The following PRRC2B variants were observed in gnomAD, a reference collection of about 807,000 sequenced individuals.
The protein encoded by PRRC2B is proline rich coiled-coil 2B, also known as protein PRRC2B.
In PRRC2B, 68 loss-of-function variants were observed where a neutral mutation model predicts 242.3. That is an observed-to-expected ratio of 0.28 (90% CI 0.23 to 0.34). PRRC2B has a LOEUF of 0.34. Ranked by LOEUF, PRRC2B falls within the 10% of genes least tolerant of loss-of-function variation. The pLI is 1.00. For missense variants in PRRC2B, 2,835 were observed against 2,954.8 expected (o/e 0.96, Z 0.94); for synonymous variants, 1,228 against 1,173.6 (o/e 1.05, Z -0.95).
intron 1 of PRRC2B, among the ~76,000 whole-genome samples, chr9:131,375,427 G>A (rs1372995003): frequency 1.3e-5 from 2 of 151,890 alleles, no homozygotes; most frequent in African/African-American, 4.8e-5. Flanking sequence ...AAAAAAATAA[G>A]GGCATTAACA....
chr9:131,402,686 CA>C (rs1837257036), intron 1 of PRRC2B, among the ~76,000 whole-genome samples: 1 of 152,112 alleles, frequency 6.6e-6, no homozygotes, highest in Non-Finnish European at 1.5e-5. Flanking sequence ...GGGTGTGGGG[CA>C]GTCAGGGAAG....
Position 131,446,007 on chromosome 9 carries a change from G to A in PRRC2B, c.614-394G>A, listed in dbSNP as rs966813160. ...ACCACTGTGCCCGGAACTTGCTCCT[G>A]TTTTAATGTGTAGTCCAGTGCTGAC... On this transcript the variant is annotated intron_variant, in intron 6 of 31. Transcript: ENST00000683519. The surrounding 1 kb of genome is among the most constrained non-coding windows in gnomAD (Gnocchi z 4.1). Among the ~76,000 whole-genome samples, 8 of 152,198 alleles carry A rather than the reference G, an allele frequency of 5.3e-5. No individual in the cohort carries two copies. The highest frequency in any genetic ancestry group is 1.0e-4 in the Non-Finnish European group (7 of 68,036).
intron 1 of PRRC2B, among the ~76,000 whole-genome samples, chr9:131,415,571 G>T (rs189611852): frequency 1.2e-4 from 18 of 152,172 alleles, no homozygotes; most frequent in African/African-American, 4.3e-4. Context: ...CCTATTTTGA[G>T]TCCTTATGTA....
At chr9:131,377,194 A>C (rs1464521761) in intron 1 of PRRC2B, among the ~76,000 whole-genome samples, 7 of 151,904 alleles carry the variant, frequency 4.6e-5, no homozygotes, top group Non-Finnish European at 1.0e-4. Flanking sequence ...GGCTCACTGC[A>C]ACCTCCGCCT....
rs893545939 is a variant in PRRC2B, at chr9:131,496,068, C to T, written c.*194C>T. 56 of 689,500 alleles carry T rather than the reference C, an allele frequency of 8.1e-5. No individual in the cohort carries two copies. Among genetic ancestry groups the T allele is most frequent in the Non-Finnish European group, 1.2e-4 (50 of 426,600 alleles). The allele number at this position is 689,500 out of a possible 1,614,324, so 42.7% of individuals were successfully genotyped here. On this transcript the variant is annotated 3_prime_UTR_variant, in exon 32 of 32. Transcript: ENST00000683519. ...CACCCGTGGATATATGGCATTGACCCGCTTGCTTTGATACGAAACAAAAAA... is the reference window on the plus strand; with the variant it reads ...CACCCGTGGATATATGGCATTGACCTGCTTGCTTTGATACGAAACAAAAAA...
At chr9:131,458,585 A>G (rs1434480894) in intron 10 of PRRC2B, among the ~76,000 whole-genome samples, 4 of 151,764 alleles carry the variant, frequency 2.6e-5, no homozygotes, top group Non-Finnish European at 5.9e-5. Context: ...GCTCACTGCA[A>G]CCTTCACCTC....
At position 131,422,780 on chromosome 9, in the gene PRRC2B, TC is replaced by T. The variant is rs1004771798; in HGVS notation, c.-51-7312del. 1.3e-3 allele frequency among the ~76,000 whole-genome samples: 191 copies of T among 152,356 alleles called. 2 individuals carry two copies. The highest frequency in any genetic ancestry group is 4.0e-3 in the African/African-American group (166 of 41,588). Reference sequence around the variant, plus strand: ...GGCGAATCTTTCTGGTTGTTTTTGTTCCAGCACAGCCTGGGAGCACTTCTTT... The same window carrying T: ...GGCGAATCTTTCTGGTTGTTTTTGTTCAGCACAGCCTGGGAGCACTTCTTT... On this transcript the variant is annotated intron_variant, in intron 1 of 31. Transcript: ENST00000683519.
chr9:131,472,042 C>T (rs1943561665), intron 14 of PRRC2B, among the ~76,000 whole-genome samples: 3 of 152,134 alleles, frequency 2.0e-5, no homozygotes. Context: ...TATCTTGTTC[C>T]TTTTATCCTT....
chr9:131,483,014 G>C lies in PRRC2B; in HGVS notation c.5373+107G>C, dbSNP rs552885121. Reference sequence around the variant, plus strand: ...TGTCTCCTAGAAGGAATAGAAGGATGGGAGCCAAGCAGTCTTCCAGCGGCT... The same window carrying C: ...TGTCTCCTAGAAGGAATAGAAGGATCGGAGCCAAGCAGTCTTCCAGCGGCT... On this transcript the variant is annotated intron_variant, in intron 22 of 31. Transcript: ENST00000683519. 2.5e-4 allele frequency: 333 copies of C among 1,321,528 alleles called. 5 individuals carry two copies. In the South Asian group the frequency reaches 4.3e-3, roughly 17 times the overall value. 81.9% of individuals were successfully genotyped at this position (1,321,528 alleles called of 1,614,324 possible).
At position 131,494,637 on chromosome 9, in the gene PRRC2B, C is replaced by T. The variant is rs115518201; in HGVS notation, c.6555+151C>T. 2.2e-3 allele frequency among the ~76,000 whole-genome samples: 329 copies of T among 152,326 alleles called. No individual in the cohort carries two copies. The highest frequency in any genetic ancestry group is 7.4e-3 in the African/African-American group (309 of 41,586). On this transcript the variant is annotated intron_variant, in intron 31 of 31. Transcript: ENST00000683519. The surrounding 1 kb of genome is among the most constrained non-coding windows in gnomAD (Gnocchi z 4.3). ...TAGAGCACAGAACCGGGAGCTGGGC[C>T]GCCCGCGTCCCTCCTGGCGAAGGCA...
intron 1 of PRRC2B, among the ~76,000 whole-genome samples, chr9:131,383,070 G>A (rs1836781978): frequency 6.6e-6 from 1 of 152,040 alleles, no homozygotes; most frequent in African/African-American, 2.4e-5. Flanking sequence ...TGTTCATGCT[G>A]GTCCCTCCAT....
intron 1 of PRRC2B, among the ~76,000 whole-genome samples, chr9:131,379,239 T>C (rs963795161): frequency 6.6e-6 from 1 of 152,198 alleles, no homozygotes; most frequent in South Asian, 2.1e-4. Context: ...TTGTGAATAA[T>C]GATGATATGA....
In PRRC2B at chr9:131,482,821, G is replaced by T; in HGVS notation, c.5287G>T (p.Ala1763Ser). 1 of 1,609,340 alleles carries T rather than the reference G, an allele frequency of 6.2e-7. No individual in the cohort carries two copies. The highest frequency in any genetic ancestry group is 8.5e-7 in the Non-Finnish European group (1 of 1,177,818). Reference protein sequence around the residue: ...GSEGAERLQGAVVPPVNGVEI... With the variant: ...GSEGAERLQGSVVPPVNGVEI... ...GGAGGGGGCCGAGCGGCTGCAAGGG[G>T]CTGTCGTCCCGCCTGTTAACGGGGT... Residue 1763 changes from alanine (A) to serine (S), a missense_variant, in exon 22 of 32, where the codon GCT becomes TCT. Around this residue, in one of 7 missense-constraint regions of PRRC2B, gnomAD observed 574 missense variants for 626.0 expected, o/e 0.92. Coordinates refer to ENST00000683519, the MANE Select transcript of PRRC2B (RefSeq NM_013318.4). This position sits in a 1 kb window ranked among gnomAD's most constrained non-coding sequence, Gnocchi z 5.2.
chr9:131,394,444 C>T (rs1836984107), intron 1 of PRRC2B, among the ~76,000 whole-genome samples, 181 bp downstream of exon 1: 1 of 146,306 alleles, frequency 6.8e-6, no homozygotes, highest in Non-Finnish European at 1.5e-5. Flanking sequence ...GGGCGCGGGG[C>T]TGCGGGGCTG....
At chr9:131,448,057 T>G in intron 9 of PRRC2B, 1 of 357,304 alleles carries the variant, frequency 2.8e-6, no homozygotes, top group Non-Finnish European at 5.0e-6. Context: ...TTTTTAAAAA[T>G]TATTGATGAT....
At position 131,496,088 on chromosome 9, in the gene PRRC2B, A is replaced by T. The variant is rs2131494572; in HGVS notation, c.*214A>T. The stretch of plus-strand genomic sequence containing the variant: ...TGACCCGCTTGCTTTGATACGAAAC[A>T]AAAAAGCAGACGACTCCTTCATCCC... On this transcript the variant is annotated 3_prime_UTR_variant, in exon 32 of 32. Transcript: ENST00000683519. 3.4e-6 allele frequency: 2 copies of T among 595,232 alleles called. No homozygotes were observed. The highest frequency in any genetic ancestry group is 2.9e-6 in the Non-Finnish European group (1 of 346,788). The allele number at this position is 595,232 out of a possible 1,614,324, so 36.9% of individuals were successfully genotyped here.
At chr9:131,380,661 G>C (rs535179782) in intron 1 of PRRC2B, among the ~76,000 whole-genome samples, 2 of 151,682 alleles carry the variant, frequency 1.3e-5, no homozygotes, top group African/African-American at 4.8e-5. Flanking sequence ...GGAGAATTAC[G>C]AGGTCGGGAG....
chr9:131,472,667 C>CG (rs1943580396), intron 14 of PRRC2B, among the ~76,000 whole-genome samples: 1 of 151,770 alleles, frequency 6.6e-6, no homozygotes, highest in Admixed American at 6.6e-5. Flanking sequence ...TTAGTAGAGA[C>CG]GGGGTTTCAC....
chr9:131,427,288 G>A (rs942303429), intron 1 of PRRC2B, among the ~76,000 whole-genome samples: 3 of 152,148 alleles, frequency 2.0e-5, no homozygotes, highest in Admixed American at 6.6e-5. Context: ...GTTTGTAATC[G>A]ATTTTCACTC....
Sources: allele counts gnomAD v4.1 joint callset (sites outside exome capture counted in the v4.1 genomes callset), GRCh38; gene constraint gnomAD v4.1.1; regional missense constraint gnomAD v4.1.1; non-coding constraint Gnocchi (gnomAD v3.1); transcripts MANE v1.5; gene names NCBI Gene and HGNC (gene_info 2026-07-23, HGNC 2026-07-21).